C4orf50: variants seen among roughly 807,000 people sequenced by gnomAD.
The protein encoded by C4orf50 is uncharacterized protein C4orf50.
Under a neutral mutation model 77.2 loss-of-function variants are expected in C4orf50, and 80 were observed. The ratio of observed to expected loss-of-function variants is 1.04; its 90% confidence interval spans 0.87 to 1.25. C4orf50 has a LOEUF of 1.25. C4orf50 is among the 50% of genes most tolerant of loss of function. C4orf50 has a pLI of 0.00. For synonymous variants in C4orf50, 532 were observed against 465.3 expected (o/e 1.14, Z -1.84); for missense variants, 1,257 against 1,152.9 (o/e 1.09, Z -1.31).
chr4:5,972,863 G>A (rs557161142), intron 31 of C4orf50, among the ~76,000 whole-genome samples: 1 of 152,342 alleles, frequency 6.6e-6, no homozygotes, highest in East Asian at 1.9e-4. Flanking sequence ...GCACGGCTGG[G>A]CACCCGTGGG....
intron 7 of C4orf50, among the ~76,000 whole-genome samples, chr4:5,933,658 C>A (rs558761171): frequency 6.6e-5 from 10 of 152,208 alleles, no homozygotes; most frequent in Non-Finnish European, 1.3e-4. Flanking sequence ...GGGGCGTACT[C>A]AGCAGGAGTT....
In C4orf50 at chr4:5,919,646, C is replaced by T. The variant is rs1717180125; in HGVS notation, c.*2475-21458G>A. Among the ~76,000 whole-genome samples, 1 of 152,202 alleles carries T rather than the reference C, an allele frequency of 6.6e-6. No homozygotes were observed. Among genetic ancestry groups the T allele is most frequent in the South Asian group, 2.1e-4 (1 of 4,832 alleles). ...GGCATTAACCCCAGGTCAGCAAACG[C>T]CACACTGAGACACTGAGTAGTCAGG... On this transcript the variant is annotated intron_variant, in intron 7 of 7. Transcript: ENST00000324058. This position sits in a 1 kb window ranked among gnomAD's most constrained non-coding sequence, Gnocchi z 6.5.
chr4:6,009,401 AAACT>A lies in C4orf50; in HGVS notation c.427-873_427-870del, dbSNP rs1357863706. On this transcript the variant is annotated intron_variant, in intron 24 of 33. Transcript: ENST00000531445. This position sits in a 1 kb window ranked among gnomAD's most constrained non-coding sequence, Gnocchi z 5.6. ...GAGCTTCCGGAAAACAAAAACAAAC[AAACT>A]AAGAGCAAACGTGAAAGAGGAAACC... 2.0e-5 allele frequency among the ~76,000 whole-genome samples: 3 copies of A among 152,316 alleles called. No homozygotes were observed. The highest frequency in any genetic ancestry group is 1.3e-4 in the Admixed American group (2 of 15,304).
In C4orf50 at chr4:5,912,636, T is replaced by G. The variant is rs181460706; in HGVS notation, c.*2475-14448A>C. Reference sequence around the variant, plus strand: ...GACAACTGTGTTTGAAAGAAGAGTTTATTACTCACAGTTCCCTAGAGGAAG... The same window carrying G: ...GACAACTGTGTTTGAAAGAAGAGTTGATTACTCACAGTTCCCTAGAGGAAG... On this transcript the variant is annotated intron_variant, in intron 7 of 7. Transcript: ENST00000324058. Among the ~76,000 whole-genome samples the G allele has an allele frequency of 2.6e-4, 39 of 152,278 alleles. 1 individual carries two copies. In the East Asian group the frequency reaches 6.4e-3, roughly 25 times the overall value.
At chr4:5,964,767 CAAAAAAAA>C (rs71171498) in intron 33 of C4orf50, among the ~76,000 whole-genome samples, 32,885 of 108,498 alleles carry the variant, frequency 0.3, 5,088 homozygotes, top group Admixed American at 0.47. Context: ...GACTCTGTCT[CAAAAAAAA>C]AAAAAAAAAA....
At chr4:5,988,359 G>T in exon 28 of C4orf50, 2 of 1,613,992 alleles carry the variant, frequency 1.2e-6, no homozygotes, top group Non-Finnish European at 1.7e-6. Context: ...TGGGGCCATT[G>T]CTCAGGGAGC....
chr4:5,994,131 G>C (rs1189925814), intron 26 of C4orf50, among the ~76,000 whole-genome samples: 3 of 152,214 alleles, frequency 2.0e-5, no homozygotes, highest in Non-Finnish European at 4.4e-5. Context: ...CCGAGCCAAA[G>C]GCCCCTGGTG....
At chr4:5,990,397 T>C (rs780270283) in exon 28 of C4orf50, 2 of 418,172 alleles carry the variant, frequency 4.8e-6, no homozygotes, top group Non-Finnish European at 8.2e-6. Flanking sequence ...TCCTCCTCCA[T>C]TGTTCCAAGT....
chr4:5,949,621 T>C (rs937978165), intron 7 of C4orf50, among the ~76,000 whole-genome samples: 9 of 152,132 alleles, frequency 5.9e-5, no homozygotes, highest in Non-Finnish European at 7.3e-5. Flanking sequence ...GGGTGGATGG[T>C]GGTGATGGTT....
intron 7 of C4orf50, among the ~76,000 whole-genome samples, chr4:5,914,267 C>A (rs1477800209): frequency 2.1e-5 from 3 of 140,454 alleles, no homozygotes; most frequent in African/African-American, 8.2e-5. Context: ...GGCAGTGGCG[C>A]AATCTCGGCT....
rs1722288013 is a variant in C4orf50, at chr4:6,007,314, G to A, written c.963+682C>T. ...CAATGTGAGGGTGTCAGGTGGTGGAGTCTTTGGGAGGTAATTAGGTCCTGA... is the reference window on the plus strand; with the variant it reads ...CAATGTGAGGGTGTCAGGTGGTGGAATCTTTGGGAGGTAATTAGGTCCTGA... On this transcript the variant is annotated intron_variant, in intron 25 of 33. Coordinates refer to ENST00000531445, the Ensembl canonical transcript of C4orf50. This position sits in a 1 kb window ranked among gnomAD's most constrained non-coding sequence, Gnocchi z 4.1. Among the ~76,000 whole-genome samples, 1 of 152,148 alleles carries A rather than the reference G, an allele frequency of 6.6e-6. No individual in the cohort carries two copies. Among genetic ancestry groups the A allele is most frequent in the South Asian group, 2.1e-4 (1 of 4,822 alleles).
intron 7 of C4orf50, among the ~76,000 whole-genome samples, chr4:5,935,784 T>TA (rs769910855): frequency 0.048 from 1,498 of 31,414 alleles, 185 homozygotes; most frequent in African/African-American, 0.054. Flanking sequence ...AGACTCCGTC[T>TA]AAAAAAAAAA....
At chr4:5,967,692 C>T (rs567676824) in intron 31 of C4orf50, among the ~76,000 whole-genome samples, 86 of 152,314 alleles carry the variant, frequency 5.6e-4, no homozygotes, top group African/African-American at 1.9e-3. Flanking sequence ...CACAAAAAAA[C>T]GATTCCATTT....
chr4:5,927,034 GC>G (rs1717547552), intron 7 of C4orf50, among the ~76,000 whole-genome samples: 1 of 152,186 alleles, frequency 6.6e-6, no homozygotes, highest in African/African-American at 2.4e-5. Flanking sequence ...GGAAATTCCT[GC>G]TTTTACGATG....
Position 5,900,283 on chromosome 4 carries a change from C to T in C4orf50, c.*2475-2095G>A, listed in dbSNP as rs1227694104. ...TGTAAAAGGACTTGCGTTCCCTGTT[C>T]TCTCCAATGATGGGTAACTAAACTC... is the stretch of plus-strand genomic sequence containing the variant. On this transcript the variant is annotated intron_variant, in intron 7 of 7. Transcript: ENST00000324058. The surrounding 1 kb of genome is among the most constrained non-coding windows in gnomAD (Gnocchi z 4.3). The T allele has an allele frequency of 6.6e-6, 1 of 152,144 alleles. No homozygotes were observed. Among genetic ancestry groups the T allele is most frequent in the African/African-American group, 2.4e-5 (1 of 41,420 alleles). The allele number at this position is 152,144 out of a possible 1,614,324, so 9.4% of individuals were successfully genotyped here.
chr4:6,004,375 G>A (rs1402996194), intron 25 of C4orf50, among the ~76,000 whole-genome samples: 2 of 116,132 alleles, frequency 1.7e-5, no homozygotes, highest in African/African-American at 6.2e-5. Context: ...GATGGTGATG[G>A]TGATGATGGT....
downstream of C4orf50, among the ~76,000 whole-genome samples, chr4:5,954,753 C>T (rs530051875): frequency 3.3e-4 from 50 of 152,254 alleles, no homozygotes; most frequent in East Asian, 1.4e-3. The surrounding 1 kb of genome is among the most constrained non-coding windows in gnomAD (Gnocchi z 4.7). Context: ...GAATGGAAGA[C>T]GCCCAGCTCA....
intron 25 of C4orf50, among the ~76,000 whole-genome samples, chr4:6,004,390 G>T (rs200084803): frequency 1.4e-5 from 1 of 70,070 alleles, no homozygotes. Context: ...GATGGTGATG[G>T]TGGTGATGGT....
intron 30 of C4orf50, among the ~76,000 whole-genome samples, chr4:5,974,801 T>C (rs115304122): frequency 0.012 from 1,866 of 152,306 alleles, 24 homozygotes; most frequent in African/African-American, 0.031. Flanking sequence ...GGAATTGATC[T>C]TAAACATAAA....
Sources: gnomAD v4.1 joint callset for allele counts (sites outside exome capture counted in the v4.1 genomes callset) on GRCh38, gnomAD v4.1.1 for gene constraint, Gnocchi (gnomAD v3.1) non-coding constraint, MANE v1.5 for transcripts, NCBI Gene and HGNC (gene_info 2026-07-23, HGNC 2026-07-21) for gene names.